MCF2L: variants seen among roughly 807,000 people sequenced by gnomAD.
MCF2L encodes guanine nucleotide exchange factor DBS.
MCF2L carries 97 observed loss-of-function variants against 153.4 expected under a neutral mutation model. The ratio of observed to expected loss-of-function variants is 0.63; its 90% CI spans 0.54 to 0.75. MCF2L has a LOEUF of 0.75. MCF2L is among the 30% of genes least tolerant of loss of function. The pLI, the probability that MCF2L is intolerant of heterozygous loss-of-function variation, is 0.00. For synonymous variants in MCF2L, 659 were observed against 632.2 expected (o/e 1.04, Z -0.64); for missense variants, 1,347 against 1,495.2 (o/e 0.90, Z 1.64).
At chr13:112,978,506 A>T (rs2082289684) in intron 1 of MCF2L, among the ~76,000 whole-genome samples, 1 of 152,174 alleles carries the variant, frequency 6.6e-6, no homozygotes, top group Non-Finnish European at 1.5e-5. Flanking sequence ...GTGGAGGCTA[A>T]TAGGACACCA....
chr13:112,938,119 G>A (rs1439550148), intron 2 of MCF2L, among the ~76,000 whole-genome samples: 1 of 142,316 alleles, frequency 7.0e-6, no homozygotes, highest in Non-Finnish European at 1.5e-5. Flanking sequence ...AGCGCTGAGG[G>A]GTTGGTTCAG....
At chr13:113,047,305 G>T (rs769869384) in intron 4 of MCF2L, 2 of 152,248 alleles carry the variant, frequency 1.3e-5, no homozygotes, top group Admixed American at 1.3e-4. Context: ...CCCCAGAAAT[G>T]CAGAAAGTTC....
In MCF2L at chr13:113,046,554, A is replaced by G. The variant is rs1446319511; in HGVS notation, c.369+1193A>G. 1.9e-6 allele frequency: 1 copy of G among 533,202 alleles called. No individual in the cohort carries two copies. Among genetic ancestry groups the G allele is most frequent in the South Asian group, 1.4e-5 (1 of 71,560 alleles). 33.0% of individuals were successfully genotyped at this position (533,202 alleles called of 1,614,324 possible). ...GGTTTGAGGTATACTGAAAAAAGTCATTCCTTTCCCCGCACATTGCCTCAT... is the reference window on the plus strand; with the variant it reads ...GGTTTGAGGTATACTGAAAAAAGTCGTTCCTTTCCCCGCACATTGCCTCAT... On this transcript the variant is annotated intron_variant, in intron 4 of 29. Coordinates refer to ENST00000535094, the MANE Select transcript of MCF2L (RefSeq NM_001112732.3). This position sits in a 1 kb window ranked among gnomAD's most constrained non-coding sequence, Gnocchi z 4.4.
intron 1 of MCF2L, chr13:112,979,768 A>G (rs771262865): frequency 1.2e-6 from 2 of 1,608,578 alleles, no homozygotes; most frequent in Non-Finnish European, 1.7e-6. Flanking sequence ...GGTGAGATAC[A>G]ATGGGGTCGC....
At chr13:112,957,571 G>GCCAGATAGACGCCAGA (rs2081773904) in intron 2 of MCF2L, 1 of 152,186 alleles carries the variant, frequency 6.6e-6, no homozygotes, top group Admixed American at 6.5e-5. Flanking sequence ...CCAGATAGAC[G>GCCAGATAGACGCCAGA]TGGCCAGTCG....
intron 21 of MCF2L, among the ~76,000 whole-genome samples, chr13:113,086,590 A>G (rs1186906468): frequency 6.6e-6 from 1 of 152,078 alleles, no homozygotes; most frequent in African/African-American, 2.4e-5. Context: ...AGCAGACGTG[A>G]CTTCTGTTTT....
In MCF2L at chr13:113,045,177, G is replaced by A. The variant is rs906708055; in HGVS notation, c.279-94G>A. 88 of 1,107,968 alleles carry A rather than the reference G, an allele frequency of 7.9e-5. No individual in the cohort carries two copies. Among genetic ancestry groups the A allele is most frequent in the Non-Finnish European group, 1.1e-4 (78 of 721,526 alleles). 68.6% of individuals were successfully genotyped at this position (1,107,968 alleles called of 1,614,324 possible). ...TGCAGAAATGGCATCATGAATATGG[G>A]GGATCGCTCTCCCAAGAGGTTTTCT... On this transcript the variant is annotated intron_variant, in intron 3 of 29. Coordinates refer to ENST00000535094, the MANE Select transcript of MCF2L (RefSeq NM_001112732.3). This position sits in a 1 kb window ranked among gnomAD's most constrained non-coding sequence, Gnocchi z 4.2.
At chr13:112,917,239 C>T (rs903744165) in intron 2 of MCF2L, 26 of 465,888 alleles carry the variant, frequency 5.6e-5, no homozygotes, top group Non-Finnish European at 1.1e-4. Context: ...CCTCCACCCG[C>T]ATCCTACAGG....
intron 4 of MCF2L, among the ~76,000 whole-genome samples, chr13:113,057,464 C>T (rs1488233869): frequency 1.7e-5 from 2 of 116,468 alleles, no homozygotes; most frequent in African/African-American, 7.0e-5. Flanking sequence ...AGTGTTTTGG[C>T]ACTGGGTGCT....
In MCF2L at chr13:113,091,085, C is replaced by A. The variant is rs192048624; in HGVS notation, c.2953+1357C>A. 6.6e-5 allele frequency: 86 copies of A among 1,304,352 alleles called. No homozygotes were observed. In the African/African-American group the frequency reaches 1.2e-3, roughly 18 times the overall value. The allele number at this position is 1,304,352 out of a possible 1,614,324, so 80.8% of individuals were successfully genotyped here. On this transcript the variant is annotated intron_variant, in intron 26 of 29. Transcript: ENST00000535094. The stretch of plus-strand genomic sequence containing the variant: ...CCTCCCTCCGTCCTTCACACTCTCT[C>A]TCCGGTTGTATTTCTGCCTCCTCCT...
At chr13:112,936,824 C>T (rs2081519827) in intron 2 of MCF2L, among the ~76,000 whole-genome samples, 2 of 152,146 alleles carry the variant, frequency 1.3e-5, no homozygotes, top group African/African-American at 4.8e-5. Context: ...GACTTTAAAT[C>T]AGCTCCAGGT....
intron 27 of MCF2L, chr13:113,095,090 C>A (rs759274703): frequency 7.4e-7 from 1 of 1,359,738 alleles, no homozygotes; most frequent in Non-Finnish European, 9.8e-7. Flanking sequence ...ACTATACATA[C>A]AATTCTCATT....
chr13:113,061,804 C>A (rs1332917265), intron 5 of MCF2L, among the ~76,000 whole-genome samples: 1 of 45,878 alleles, frequency 2.2e-5, no homozygotes, highest in Non-Finnish European at 4.3e-5. Flanking sequence ...CCCCTCCCTT[C>A]CCTCTCCCCC....
chr13:112,955,050 T>A (rs1270933544), intron 2 of MCF2L, among the ~76,000 whole-genome samples: 1 of 152,188 alleles, frequency 6.6e-6, no homozygotes, highest in Admixed American at 6.5e-5. Flanking sequence ...AGAGCTCTGC[T>A]GAGTGACGGG....
intron 1 of MCF2L, among the ~76,000 whole-genome samples, chr13:112,899,087 T>C (rs1335829390): frequency 6.6e-6 from 1 of 152,234 alleles, no homozygotes; most frequent in Non-Finnish European, 1.5e-5. Flanking sequence ...TTCCCTGACA[T>C]TTGTGTCCTC....
At chr13:113,056,651 TGAGTGGTTGGGTGCTGTGTGGGTGCG>T (rs2029884766) in intron 4 of MCF2L, among the ~76,000 whole-genome samples, 1 of 148,828 alleles carries the variant, frequency 6.7e-6, no homozygotes, top group Admixed American at 6.7e-5. Flanking sequence ...GTTTGGGTGC[TGAGTGGTTGGGTGCTGTGTGGGTGCG>T]GAGTGTTTGG....
In MCF2L at chr13:113,018,169, C is replaced by T. The variant is rs561380894; in HGVS notation, c.163+3323C>T. ...GGCGGCCAAGTGAGGGATGCGTAAA[C>T]CTCGGGGGCTCCGGACTCCTGTACG... On this transcript the variant is annotated intron_variant, in intron 2 of 29. Coordinates refer to ENST00000535094, the MANE Select transcript of MCF2L (RefSeq NM_001112732.3). Among the ~76,000 whole-genome samples, 10 of 152,260 alleles carry T rather than the reference C, an allele frequency of 6.6e-5. No homozygotes were observed. In the East Asian group the frequency reaches 1.9e-3, roughly 29 times the overall value.
intron 26 of MCF2L, chr13:113,090,731 C>T: frequency 1.0e-6 from 1 of 985,482 alleles, no homozygotes; most frequent in Non-Finnish European, 1.2e-6. Flanking sequence ...CCAGCGTGGA[C>T]AAGGGCTCTT....
intron 1 of MCF2L, among the ~76,000 whole-genome samples, chr13:112,970,388 C>G (rs536200030): frequency 6.6e-6 from 1 of 152,136 alleles, no homozygotes; most frequent in African/African-American, 2.4e-5. Context: ...TAAGCACCAT[C>G]GTATGGGATG....
Sources: gnomAD v4.1 joint callset for allele counts (sites outside exome capture counted in the v4.1 genomes callset) on GRCh38, gnomAD v4.1.1 for gene constraint, Gnocchi (gnomAD v3.1) non-coding constraint, MANE v1.5 for transcripts, NCBI Gene and HGNC (gene_info 2026-07-23, HGNC 2026-07-21) for gene names.